Variants in DNAH12 observed in about 807,000 individuals in gnomAD.
The protein encoded by DNAH12 is axonemal beta dynein heavy chain 12.
In DNAH12, 285 loss-of-function variants were observed where a neutral mutation model predicts 371.5. The ratio of observed to expected loss-of-function variants is 0.77; its 90% confidence interval spans 0.70 to 0.85. DNAH12 has a LOEUF of 0.85. Ranked by LOEUF, DNAH12 falls within the 40% of genes least tolerant of loss-of-function variation. The pLI is 0.00. For synonymous variants in DNAH12, 1,200 were observed against 1,213.0 expected (o/e 0.99, Z 0.22); for missense variants, 3,611 against 3,689.4 (o/e 0.98, Z 0.55).
intron 60 of DNAH12, among the ~76,000 whole-genome samples, chr3:57,340,753 C>T (rs1245938813): frequency 1.3e-5 from 2 of 152,134 alleles, no homozygotes; most frequent in Non-Finnish European, 2.9e-5. Context: ...AAAAATTCTT[C>T]TCAAACTATT....
At chr3:57,406,752 AC>A (rs1316670526) in intron 40 of DNAH12, among the ~76,000 whole-genome samples, 1 of 151,664 alleles carries the variant, frequency 6.6e-6, no homozygotes, top group Non-Finnish European at 1.5e-5. Context: ...TTATTCCCTC[AC>A]CCCCCTTCTT....
rs139791433 is a variant in DNAH12, at chr3:57,432,476, G to A, written c.4980+891C>T. On this transcript the variant is annotated intron_variant, in intron 32 of 73. Coordinates refer to ENST00000495027, the MANE Select transcript of DNAH12 (RefSeq NM_001366028.2). ...ATAACAGGCGTGAGCCACCGCGCCC[G>A]GCCTTGAGTGTATCTTTAAATGCTA... is the stretch of plus-strand genomic sequence containing the variant. Among the ~76,000 whole-genome samples the A allele has an allele frequency of 5.7e-3, 861 of 151,112 alleles. 2 individuals are homozygous for A. The highest frequency in any genetic ancestry group is 8.5e-3 in the Non-Finnish European group (576 of 67,860).
intron 48 of DNAH12, among the ~76,000 whole-genome samples, 156 bp from the exon 49 acceptor site, chr3:57,385,161 A>T (rs1416878502): frequency 8.9e-6 from 1 of 112,342 alleles, no homozygotes; most frequent in Non-Finnish European, 2.1e-5. Context: ...ATGTGAACTA[A>T]TTTGGAAATG....
intron 13 of DNAH12, 77 bp from the exon 14 acceptor site, chr3:57,472,748 A>C: frequency 3.6e-6 from 5 of 1,389,554 alleles, no homozygotes; most frequent in Non-Finnish European, 4.9e-6. Flanking sequence ...ACCAACAACA[A>C]TCTCTAATAC....
chr3:57,317,925 A>G (rs1360073872), intron 65 of DNAH12, among the ~76,000 whole-genome samples: 1 of 152,098 alleles, frequency 6.6e-6, no homozygotes, highest in Non-Finnish European at 1.5e-5. Flanking sequence ...ACTGACATTG[A>G]GCATTTTTTC....
chr3:57,510,761 A>C, intron 5 of DNAH12, 29 bp downstream of exon 5: 1 of 1,600,918 alleles, frequency 6.2e-7, no homozygotes, highest in Non-Finnish European at 8.5e-7. Flanking sequence ...AAGGTGAAAG[A>C]AGCCTGGTGT....
At chr3:57,331,511 AG>A (rs2062094897) in intron 62 of DNAH12, among the ~76,000 whole-genome samples, 1 of 152,168 alleles carries the variant, frequency 6.6e-6, no homozygotes, top group Non-Finnish European at 1.5e-5. Context: ...CCAAGTACAA[AG>A]GTCTTTGGGA....
intron 2 of DNAH12, among the ~76,000 whole-genome samples, chr3:57,529,749 C>A (rs2068776416): frequency 6.6e-6 from 1 of 151,840 alleles, no homozygotes; most frequent in Non-Finnish European, 1.5e-5. Flanking sequence ...CTCCTCTGAT[C>A]TTTATTATTT....
At chr3:57,535,009 T>A (rs1454908977) in intron 2 of DNAH12, among the ~76,000 whole-genome samples, 1 of 152,234 alleles carries the variant, frequency 6.6e-6, no homozygotes, top group Non-Finnish European at 1.5e-5. Context: ...TTTATATGCA[T>A]TTAATTCTCA....
At chr3:57,435,482 G>A (rs1378939490) in intron 30 of DNAH12, among the ~76,000 whole-genome samples, 1 of 151,778 alleles carries the variant, frequency 6.6e-6, no homozygotes, top group Non-Finnish European at 1.5e-5. Flanking sequence ...AGCCTGATAA[G>A]GTCAAGGATA....
At chr3:57,511,579 A>G (rs993460964) in intron 4 of DNAH12, among the ~76,000 whole-genome samples, 2 of 152,230 alleles carry the variant, frequency 1.3e-5, no homozygotes, top group African/African-American at 2.4e-5. Context: ...ATGGAATTAG[A>G]TAAGTTGATC....
At position 57,403,453 on chromosome 3, in the gene DNAH12, A is replaced by G; in HGVS notation, c.6804T>C (p.Ser2268=). The G allele has an allele frequency of 6.4e-7, 1 of 1,551,398 alleles. No homozygotes were observed. Among genetic ancestry groups the G allele is most frequent in the Non-Finnish European group, 8.7e-7 (1 of 1,146,862 alleles). ...GACCAACAAGCAAAGCATTTCCACC[A>G]GATTGCTTTAGAACTCGACATATTC... is the stretch of plus-strand genomic sequence containing the variant. ...LSRICRVLKQ[S]GGNALLVGLG... The change falls in exon 43 of 74, where the codon TCT becomes TCC. Residue 2268 remains serine (S), a synonymous_variant. Coordinates refer to ENST00000495027, the MANE Select transcript of DNAH12 (RefSeq NM_001366028.2).
intron 62 of DNAH12, among the ~76,000 whole-genome samples, chr3:57,326,028 G>A (rs7613829): frequency 2.6e-5 from 4 of 151,662 alleles, no homozygotes; most frequent in Non-Finnish European, 4.4e-5. Context: ...AAAAAGAAAC[G>A]AACAAAGCCT....
At chr3:57,496,628 C>T (rs1281966215) in intron 11 of DNAH12, among the ~76,000 whole-genome samples, 1 of 152,078 alleles carries the variant, frequency 6.6e-6, no homozygotes, top group African/African-American at 2.4e-5. Flanking sequence ...TGCCCTATGT[C>T]ACTGCTGCTA....
At chr3:57,339,250 A>G (rs2153312241) in intron 60 of DNAH12, among the ~76,000 whole-genome samples, 1 of 152,278 alleles carries the variant, frequency 6.6e-6, no homozygotes, top group East Asian at 1.9e-4. Context: ...GGAAGGCCGC[A>G]GGGTCCTCTG....
Position 57,455,840 on chromosome 3 carries a change from G to A in DNAH12, c.3337-946C>T, listed in dbSNP as rs185500138. Among the ~76,000 whole-genome samples, 13 of 152,158 alleles carry A rather than the reference G, an allele frequency of 8.5e-5. 1 individual carries two copies. The highest frequency in any genetic ancestry group is 6.5e-4 in the Admixed American group (10 of 15,268). The stretch of plus-strand genomic sequence containing the variant: ...TTTCTAACACTTTGATATTCAAAAT[G>A]CATTTAAATGGATTTATGGAGGGAG... On this transcript the variant is annotated intron_variant, in intron 22 of 73. Coordinates refer to ENST00000495027, the MANE Select transcript of DNAH12 (RefSeq NM_001366028.2).
At chr3:57,503,988 T>C in intron 9 of DNAH12, 28 bp downstream of exon 9, 2 of 1,578,622 alleles carry the variant, frequency 1.3e-6, no homozygotes, top group Non-Finnish European at 1.7e-6. Flanking sequence ...AATTTAAAAT[T>C]CTTTCCCGAT....
At chr3:57,336,405 T>C (rs1296984318) in intron 60 of DNAH12, among the ~76,000 whole-genome samples, 1 of 151,532 alleles carries the variant, frequency 6.6e-6, no homozygotes, top group African/African-American at 2.4e-5. Context: ...ATAGAAGAAA[T>C]AGGCAATATT....
At chr3:57,372,563 A>G (rs894411548) in intron 55 of DNAH12, among the ~76,000 whole-genome samples, 1 of 152,090 alleles carries the variant, frequency 6.6e-6, no homozygotes, top group Admixed American at 6.5e-5. Flanking sequence ...TAACAGCACA[A>G]AAGACAGAAA....
Sources: gnomAD v4.1 joint callset for allele counts (sites outside exome capture counted in the v4.1 genomes callset) on GRCh38, gnomAD v4.1.1 for gene constraint, MANE v1.5 for transcripts, NCBI Gene and HGNC (gene_info 2026-07-23, HGNC 2026-07-21) for gene names.